The following SLC3A1 variants were observed in gnomAD, a reference collection of about 807,000 sequenced individuals.
SLC3A1 encodes the protein amino acid transporter heavy chain SLC3A1.
A neutral mutation model predicts 60.3 loss-of-function variants in SLC3A1; 78 were observed. The ratio of observed to expected loss-of-function variants is 1.29; its 90% CI spans 1.08 to 1.56. The LOEUF is 1.56. Among genes scored for constraint, SLC3A1 ranks in the 40% most tolerant of loss-of-function variants. The pLI, the probability that SLC3A1 is intolerant of heterozygous loss-of-function variation, is 0.00. For synonymous variants in SLC3A1, 392 were observed against 307.9 expected (o/e 1.27, Z -2.86); for missense variants, 1,172 against 858.9 (o/e 1.36, Z -4.56).
intron 4 of SLC3A1, among the ~76,000 whole-genome samples, chr2:44,297,290 C>G (rs963181007): frequency 2.6e-5 from 4 of 152,184 alleles, no homozygotes; most frequent in Admixed American, 2.6e-4. Context: ...GCAGGCCTTG[C>G]TGGGAGAGGC....
intron 4 of SLC3A1, among the ~76,000 whole-genome samples, chr2:44,295,269 G>A (rs1341673618): frequency 1.3e-5 from 2 of 152,166 alleles, no homozygotes; most frequent in Non-Finnish European, 2.9e-5. Context: ...AAGGTGCCCA[G>A]TGGAAAAACC....
chr2:44,299,839 G>T, intron 4 of SLC3A1, 132 bp from the exon 5 acceptor site: 2 of 950,100 alleles, frequency 2.1e-6, no homozygotes, highest in East Asian at 4.8e-5. Flanking sequence ...AAAATAGACT[G>T]TGAATACTGT....
chr2:44,312,846 T>A, intron 8 of SLC3A1, 93 bp downstream of exon 8: 1 of 973,732 alleles, frequency 1.0e-6, no homozygotes, highest in Non-Finnish European at 1.6e-6. Flanking sequence ...ACTATCTCTC[T>A]ATTGCATTGC....
chr2:44,284,012 G>A (rs746196277), intron 3 of SLC3A1, among the ~76,000 whole-genome samples: 6 of 151,838 alleles, frequency 4.0e-5, no homozygotes, highest in East Asian at 1.9e-4. Context: ...GGCTACTTCC[G>A]TTTTTTTTAT....
Position 44,304,564 on chromosome 2 carries a change from C to T in SLC3A1, c.1332+226C>T, listed in dbSNP as rs145979429. On this transcript the variant is annotated intron_variant, in intron 7 of 9. Transcript: ENST00000260649. ...TATTGAATGAGTGCTTGTCTATGCT[C>T]AGAACACTGCTAGGCTTTTTGGGGA... 3.8e-3 allele frequency among the ~76,000 whole-genome samples: 584 copies of T among 152,276 alleles called. 8 individuals are homozygous for T. The highest frequency in any genetic ancestry group is 0.013 in the African/African-American group (557 of 41,548).
intron 7 of SLC3A1, among the ~76,000 whole-genome samples, chr2:44,305,221 C>A (rs1402674219): frequency 1.3e-5 from 2 of 152,072 alleles, no homozygotes; most frequent in Admixed American, 1.3e-4. Flanking sequence ...GACCAGTATT[C>A]TCACTTCCAC....
At chr2:44,303,218 A>G (rs2104368090) in intron 6 of SLC3A1, among the ~76,000 whole-genome samples, 1 of 151,060 alleles carries the variant, frequency 6.6e-6, no homozygotes, top group East Asian at 1.9e-4. Flanking sequence ...CAATAACAAA[A>G]AAACAACCAA....
intron 4 of SLC3A1, among the ~76,000 whole-genome samples, chr2:44,289,320 C>T (rs779260948): frequency 6.0e-5 from 9 of 151,160 alleles, no homozygotes; most frequent in Non-Finnish European, 1.3e-4. Context: ...AAGTGACTCT[C>T]CTACCTCAGC....
chr2:44,316,491 T>C (rs376513708), intron 9 of SLC3A1: 3 of 152,222 alleles, frequency 2.0e-5, no homozygotes, highest in Non-Finnish European at 2.9e-5. Context: ...TCGGGATACA[T>C]GGAAGATAGA....
intron 7 of SLC3A1, among the ~76,000 whole-genome samples, chr2:44,308,530 C>G (rs1672212877): frequency 6.6e-6 from 1 of 152,046 alleles, no homozygotes. Flanking sequence ...TTGTACAAGT[C>G]TTAGACTTTT....
intron 7 of SLC3A1, among the ~76,000 whole-genome samples, chr2:44,305,427 CTTTTTTT>C (rs139686441): frequency 2.6e-5 from 3 of 115,880 alleles, no homozygotes; most frequent in African/African-American, 6.5e-5. Flanking sequence ...TCTTTTCTTA[CTTTTTTT>C]TTTTTTTTTT....
At chr2:44,316,455 CAA>C (rs1381166268) in intron 9 of SLC3A1, 3 of 151,852 alleles carry the variant, frequency 2.0e-5, no homozygotes, top group Non-Finnish European at 2.9e-5. Context: ...CTGAAAAAGA[CAA>C]AGAATTAAGA....
intron 9 of SLC3A1, 155 bp downstream of exon 9, chr2:44,314,106 TA>T: frequency 6.6e-7 from 1 of 1,519,616 alleles, no homozygotes; most frequent in Non-Finnish European, 8.9e-7. Flanking sequence ...AAGGAGTTTG[TA>T]AATCATGCCT....
intron 7 of SLC3A1, among the ~76,000 whole-genome samples, chr2:44,312,174 A>AC (rs1672314308): frequency 1.3e-5 from 2 of 152,170 alleles, no homozygotes; most frequent in African/African-American, 4.8e-5. Context: ...ATTTTGTCTG[A>AC]ATAATTCATA....
At chr2:44,316,728 A>G (rs1327097263) in intron 9 of SLC3A1, among the ~76,000 whole-genome samples, 3 of 152,240 alleles carry the variant, frequency 2.0e-5, no homozygotes, top group African/African-American at 7.2e-5. Flanking sequence ...TCTCAATTGG[A>G]TACTACACCA....
rs1672365758 is a variant in SLC3A1 at position 44,314,097 on chromosome 2, A to C, written c.1617+146A>C. 4 of 1,537,148 alleles carry C rather than the reference A, an allele frequency of 2.6e-6. No homozygotes were observed. In the Admixed American group the frequency reaches 5.9e-5, roughly 23 times the overall value. On this transcript the variant is annotated intron_variant, in intron 9 of 9. Transcript: ENST00000260649. ...ACTTCCTTGCAGTTTTCCATTTGTA[A>C]GGAGTTTGTAAATCATGCCTTTGTG...
Position 44,301,117 on chromosome 2 carries a change from G to A in SLC3A1, c.1126G>A (p.Gly376Ser), listed in dbSNP as rs143068960. The change falls in exon 6 of 10, where the codon GGC becomes AGC. Residue 376 changes from glycine to serine, a missense_variant. Physicochemically the swap from Gly to Ser is moderately conservative, Grantham distance 56. Transcript: ENST00000260649. ...QTMDQYSTEPGRYRFMGTEAY... is the reference protein window; with the variant it reads ...QTMDQYSTEPSRYRFMGTEAY... ...CATGGACCAATACAGCACGGAGCCC[G>A]GCAGATACAGGTTGACCACGGCATA... 686 of 1,609,964 alleles carry A rather than the reference G, an allele frequency of 4.3e-4. No individual in the cohort carries two copies. Among genetic ancestry groups the A allele is most frequent in the Admixed American group, 2.5e-3 (151 of 59,828 alleles).
At chr2:44,311,669 C>T (rs1287480259) in intron 7 of SLC3A1, among the ~76,000 whole-genome samples, 1 of 150,666 alleles carries the variant, frequency 6.6e-6, no homozygotes, top group Non-Finnish European at 1.5e-5. Context: ...AAATACTTCA[C>T]AATGGTCTAT....
At chr2:44,289,032 T>C (rs1046762974) in intron 4 of SLC3A1, among the ~76,000 whole-genome samples, 1 of 151,418 alleles carries the variant, frequency 6.6e-6, no homozygotes, top group South Asian at 2.1e-4. Context: ...ATGGGGTTTC[T>C]CCATGTTGGC....
Sources: gnomAD v4.1 joint callset for allele counts (sites outside exome capture counted in the v4.1 genomes callset) on GRCh38, gnomAD v4.1.1 for gene constraint, MANE v1.5 for transcripts, NCBI Gene and HGNC (gene_info 2026-07-23, HGNC 2026-07-21) for gene names.